The following OTUD7B variants were observed in gnomAD, a reference collection of about 807,000 sequenced individuals.
OTUD7B encodes the protein OTU deubiquitinase 7B, also known as OTU domain-containing protein 7B.
OTUD7B carries 34 observed loss-of-function variants against 82.2 expected under a neutral mutation model. The observed-to-expected ratio is 0.41, with a 90% CI of 0.31 to 0.55. The LOEUF (loss-of-function observed/expected upper bound fraction) is 0.55. Among genes scored for constraint, OTUD7B ranks in the 20% least tolerant of loss-of-function variants. The pLI is 0.20. For missense variants in OTUD7B, 944 were observed against 1,062.1 expected (o/e 0.89, Z 1.55); for synonymous variants, 398 against 402.7 (o/e 0.99, Z 0.14).
At position 149,944,826 on chromosome 1, in the gene OTUD7B, C is replaced by G; in HGVS notation, c.1563G>C (p.Met521Ile). 4 of 1,614,220 alleles carry G rather than the reference C, an allele frequency of 2.5e-6. No homozygotes were observed. Among genetic ancestry groups the G allele is most frequent in the Non-Finnish European group, 3.4e-6 (4 of 1,180,046 alleles). The change falls in exon 12 of 12, where the codon ATG becomes ATC. Residue 521 changes from methionine (M) to isoleucine (I), a missense_variant. Physicochemically the swap from Met to Ile is conservative, Grantham distance 10. Around this residue, in one of 3 missense-constraint regions of OTUD7B, gnomAD observed 412 missense variants for 418.7 expected, o/e 0.98. Coordinates refer to ENST00000581312, the MANE Select transcript of OTUD7B (RefSeq NM_020205.4). ...AACCCTTGCTGTGCATCAGGCCCCC[C>G]ATGTTCTTCTTGAGCTTGCTGCCCA... ...KTLGSKLKKN[M>I]GGLMHSKGSK...
At chr1:150,013,930 A>T (rs1442691928), upstream of OTUD7B, among the ~76,000 whole-genome samples, 3 of 2,964 alleles carry the variant, frequency 1.0e-3, no homozygotes, top group African/African-American at 1.3e-3. Context: ...CAAAAAAAAA[A>T]AAAAATAATA....
chr1:150,062,389 A>T, the OTUD7B span, among the ~76,000 whole-genome samples: 1 of 152,132 alleles, frequency 6.6e-6, no homozygotes, highest in African/African-American at 2.4e-5. Context: ...TGTGACTTTA[A>T]TTTGCATTTT....
At chr1:150,058,343 CA>C in the OTUD7B span, among the ~76,000 whole-genome samples, 1 of 151,948 alleles carries the variant, frequency 6.6e-6, no homozygotes, top group Non-Finnish European at 1.5e-5. Flanking sequence ...CCTGTCTCTA[CA>C]AAAAAATACA....
chr1:150,036,099 C>A, the OTUD7B span, among the ~76,000 whole-genome samples: 1 of 151,492 alleles, frequency 6.6e-6, no homozygotes, highest in African/African-American at 2.4e-5. Context: ...ACCACAGGCA[C>A]GTGCCACCAC....
At chr1:150,014,106 A>ATATAT (rs1559875221), upstream of OTUD7B, among the ~76,000 whole-genome samples, 2 of 116,216 alleles carry the variant, frequency 1.7e-5, no homozygotes, top group Non-Finnish European at 3.4e-5. Flanking sequence ...ATATATATAT[A>ATATAT]GTAGGGGCTC....
At chr1:149,949,860 T>C in intron 8 of OTUD7B, 82 bp from the exon 9 acceptor site, 9 of 1,447,038 alleles carry the variant, frequency 6.2e-6, no homozygotes, top group Non-Finnish European at 8.5e-6. Context: ...GCCAACTGAG[T>C]CCCTCCCTGC....
Position 149,965,853 on chromosome 1 carries a change from C to T in OTUD7B, c.528G>A (p.Val176=). ...GAAGCAGCCTCTGAGAGGTGGGATC[C>T]ACACTCACCCACCAGTTCAAACGCC... ...QAGRLNWWVS[V]DPTSQRLLPL... The change falls in exon 5 of 12, where the codon GTG becomes GTA. Residue 176 remains valine (V), a synonymous_variant. Coordinates refer to ENST00000581312, the MANE Select transcript of OTUD7B (RefSeq NM_020205.4). The T allele has an allele frequency of 6.2e-7, 1 of 1,613,902 alleles. No homozygotes were observed. Among genetic ancestry groups the T allele is most frequent in the Non-Finnish European group, 8.5e-7 (1 of 1,179,854 alleles).
chr1:149,982,726 A>G (rs1571687791), intron 1 of OTUD7B, among the ~76,000 whole-genome samples: 1 of 151,778 alleles, frequency 6.6e-6, no homozygotes. Flanking sequence ...CACCTCCACA[A>G]CAACAACTCA....
chr1:150,017,165 C>A, the OTUD7B span, among the ~76,000 whole-genome samples: 2 of 152,180 alleles, frequency 1.3e-5, no homozygotes, highest in Non-Finnish European at 2.9e-5. Context: ...CACCATCTTA[C>A]CTTCCTGCAC....
the OTUD7B span, among the ~76,000 whole-genome samples, chr1:150,053,576 A>G: frequency 6.6e-6 from 1 of 151,840 alleles, no homozygotes; most frequent in South Asian, 2.1e-4. Flanking sequence ...TTGCATTTTT[A>G]GTAGAGACGA....
the OTUD7B span, among the ~76,000 whole-genome samples, chr1:150,016,444 TTC>T: frequency 7.3e-4 from 6 of 8,274 alleles, no homozygotes; most frequent in African/African-American, 1.3e-3. Context: ...TCTTTCTCTT[TTC>T]TTTTTCTTTT....
the OTUD7B span, among the ~76,000 whole-genome samples, chr1:150,032,776 T>C: frequency 6.6e-6 from 1 of 152,164 alleles, no homozygotes; most frequent in Non-Finnish European, 1.5e-5. Flanking sequence ...TCTTCAACAG[T>C]AGATGTTTCA....
chr1:150,067,599 G>A, the OTUD7B span: 4 of 476,430 alleles, frequency 8.4e-6, no homozygotes, highest in Non-Finnish European at 1.5e-5. Context: ...GGCATCTTCA[G>A]GCCGCAGGTG....
chr1:149,941,899 T>C lies in OTUD7B; in HGVS notation c.*1958A>G, dbSNP rs587710755. ...ACCTGCCTAGACATATACACATCCC[T>C]TCCTTTGGAATCTCACTGCTTCCTT... is the stretch of plus-strand genomic sequence containing the variant. On this transcript the variant is annotated 3_prime_UTR_variant, in exon 12 of 12. Transcript: ENST00000581312. 1.3e-5 allele frequency: 2 copies of C among 152,336 alleles called. No homozygotes were observed. The highest frequency in any genetic ancestry group is 4.1e-4 in the South Asian group (2 of 4,832). 9.4% of individuals were successfully genotyped at this position (152,336 alleles called of 1,614,324 possible).
chr1:150,016,452 CTTTTT>C, the OTUD7B span, among the ~76,000 whole-genome samples: 2 of 106,606 alleles, frequency 1.9e-5, no homozygotes, highest in Non-Finnish European at 3.9e-5. Flanking sequence ...TTTTCTTTTT[CTTTTT>C]TTTTTTTTTT....
At chr1:150,021,945 C>CAGCT in the OTUD7B span, among the ~76,000 whole-genome samples, 2 of 152,208 alleles carry the variant, frequency 1.3e-5, no homozygotes, top group African/African-American at 2.4e-5. Context: ...ATTTAGAATA[C>CAGCT]AGCTTCTTAT....
the OTUD7B span, among the ~76,000 whole-genome samples, chr1:150,034,580 G>A: frequency 2.6e-5 from 4 of 152,154 alleles, no homozygotes; most frequent in Admixed American, 2.6e-4. Context: ...AGCTGACAGA[G>A]CTACTTTAAA....
chr1:149,967,977 T>C (rs1192356615), intron 3 of OTUD7B, among the ~76,000 whole-genome samples: 1 of 152,160 alleles, frequency 6.6e-6, no homozygotes, highest in Admixed American at 6.5e-5. Context: ...ATTTTCATTC[T>C]AGAAAGATTA....
the OTUD7B span, among the ~76,000 whole-genome samples, chr1:150,042,440 C>T: frequency 6.6e-6 from 1 of 151,954 alleles, no homozygotes; most frequent in Admixed American, 6.6e-5. Flanking sequence ...TCCCTAAGTG[C>T]TGGGATTACA....
Sources: allele counts gnomAD v4.1 joint callset (sites outside exome capture counted in the v4.1 genomes callset), GRCh38; gene constraint gnomAD v4.1.1; regional missense constraint gnomAD v4.1.1; transcripts MANE v1.5; gene names NCBI Gene and HGNC (gene_info 2026-07-23, HGNC 2026-07-21).